Variants in HIF3A observed in about 807,000 individuals in gnomAD.
HIF3A encodes the protein hypoxia-inducible factor 3-alpha.
A neutral mutation model predicts 67.2 loss-of-function variants in HIF3A; 41 were observed. The ratio of observed to expected loss-of-function variants is 0.61; its 90% CI spans 0.48 to 0.79. The LOEUF (loss-of-function observed/expected upper bound fraction) is 0.79. Ranked by LOEUF, HIF3A falls within the 30% of genes least tolerant of loss-of-function variation. The probability of loss-of-function intolerance (pLI) is 0.00; values close to 1 mark genes in which losing one functional copy is unlikely to be tolerated. For synonymous variants in HIF3A, 356 were observed against 374.8 expected (o/e 0.95, Z 0.58); for missense variants, 855 against 898.0 (o/e 0.95, Z 0.61).
chr19:46,305,159 G>T, intron 2 of HIF3A, 86 bp from the exon 3 acceptor site: 1 of 1,588,704 alleles, frequency 6.3e-7, no homozygotes, highest in South Asian at 1.1e-5. Context: ...AATGAGGAAA[G>T]GCAGAGGGAG....
At chr19:46,323,457 T>G (rs1970534917) in intron 10 of HIF3A, among the ~76,000 whole-genome samples, 1 of 152,154 alleles carries the variant, frequency 6.6e-6, no homozygotes, top group Non-Finnish European at 1.5e-5. Flanking sequence ...TTCTGTTTCC[T>G]GAGGCCTAAC....
chr19:46,309,133 C>T lies in HIF3A; in HGVS notation c.562-18C>T. 6.2e-7 allele frequency: 1 copy of T among 1,605,544 alleles called. No individual in the cohort carries two copies. Among genetic ancestry groups the T allele is most frequent in the Non-Finnish European group, 8.5e-7 (1 of 1,174,020 alleles). On this transcript the variant is annotated intron_variant, in intron 5 of 14. Coordinates refer to ENST00000377670, the MANE Select transcript of HIF3A (RefSeq NM_152795.4). Reference sequence around the variant, plus strand: ...GCCCAGAGGCACCACTGCCTTGTCCCCTCATCTCGGCCCCCAGGTGCTGAA... The same window carrying T: ...GCCCAGAGGCACCACTGCCTTGTCCTCTCATCTCGGCCCCCAGGTGCTGAA...
At chr19:46,302,422 G>A (rs954006501) in intron 1 of HIF3A, among the ~76,000 whole-genome samples, 7 of 151,128 alleles carry the variant, frequency 4.6e-5, no homozygotes, top group African/African-American at 1.2e-4. Flanking sequence ...GAGCCACTGC[G>A]CCCGGCCTGT....
At chr19:46,325,326 A>G (rs1970700385) in intron 10 of HIF3A, among the ~76,000 whole-genome samples, 1 of 151,964 alleles carries the variant, frequency 6.6e-6, no homozygotes, top group African/African-American at 2.4e-5. Context: ...TGGAACTTCC[A>G]TGTTTGCCCC....
At chr19:46,327,270 G>A (rs925564124) in intron 11 of HIF3A, among the ~76,000 whole-genome samples, 2 of 151,522 alleles carry the variant, frequency 1.3e-5, no homozygotes, top group Non-Finnish European at 2.9e-5. Context: ...CACTGTGCCT[G>A]GCCCAAGGGT....
At chr19:46,335,039 G>A (rs1290827384) in intron 14 of HIF3A, 53 bp downstream of exon 14, 17 of 1,440,956 alleles carry the variant, frequency 1.2e-5, no homozygotes, top group Non-Finnish European at 1.5e-5. Flanking sequence ...CCCCCGGGAG[G>A]TGCGAGAGGG....
chr19:46,339,300 G>C (rs868401040), intron 14 of HIF3A, among the ~76,000 whole-genome samples: 1 of 152,086 alleles, frequency 6.6e-6, no homozygotes, highest in Non-Finnish European at 1.5e-5. Flanking sequence ...CAAGACTTGC[G>C]TCAAAAATAA....
rs749734769 is a variant in HIF3A at position 46,309,258 on chromosome 19, C to T, written c.669C>T (p.Cys223=). Residue 223 remains cysteine (C), a synonymous_variant, in exon 6 of 15, where the codon TGC becomes TGT. Transcript: ENST00000377670. ...EPPLQCLVLI[C]EAIPHPGSLE... is the part of the protein sequence containing the mutation. ...CGCTGCAGTGCCTGGTGCTCATCTG[C>T]GAAGCCATCCCCCACCCAGGCAGCC... The T allele has an allele frequency of 1.1e-5, 17 of 1,613,772 alleles. No homozygotes were observed. The highest frequency in any genetic ancestry group is 2.7e-5 in the African/African-American group (2 of 74,922).
intron 6 of HIF3A, chr19:46,310,422 A>G (rs1447042168): frequency 7.6e-6 from 2 of 263,524 alleles, no homozygotes; most frequent in Non-Finnish European, 1.5e-5. Flanking sequence ...TAAATAAAAT[A>G]AACTGTTATT....
In HIF3A at chr19:46,325,617, A is replaced by G. The variant is rs1319361360; in HGVS notation, c.1418A>G (p.Glu473Gly). ...TCCGGGAAAGACACTGAGGCAGTGG[A>G]GACAGATTTAGATATAGCTCAGGTA... ...FTSGKDTEAV[E>G]TDLDIAQDAD... The change falls in exon 11 of 15, where the codon GAG (glutamate) becomes GGG (glycine). Residue 473 changes from glutamate (E) to glycine (G), a missense_variant. This residue lies in a region of HIF3A where 638 missense variants were observed against 660.5 expected (regional missense o/e 0.97). Transcript: ENST00000377670. The G allele has an allele frequency of 6.2e-7, 1 of 1,612,286 alleles. No individual in the cohort carries two copies. Among genetic ancestry groups the G allele is most frequent in the Admixed American group, 1.7e-5 (1 of 59,964 alleles).
chr19:46,299,709 C>A (rs867756292), intron 1 of HIF3A, among the ~76,000 whole-genome samples: 349 of 111,522 alleles, frequency 3.1e-3, no homozygotes, highest in Non-Finnish European at 3.7e-3. Flanking sequence ...GACCTTGTCG[C>A]AAAAAAAAAA....
chr19:46,341,069 T>C lies in HIF3A; in HGVS notation c.*1447T>C, dbSNP rs1971917575. On this transcript the variant is annotated 3_prime_UTR_variant, in exon 15 of 15. Coordinates refer to ENST00000377670, the MANE Select transcript of HIF3A (RefSeq NM_152795.4). The stretch of plus-strand genomic sequence containing the variant: ...TTAGATCTCACACCCTCCAACGCCC[T>C]CCGGTTCCAGATCTTATATTCAGTG... The C allele has an allele frequency of 6.6e-6, 1 of 152,154 alleles. No homozygotes were observed. Among genetic ancestry groups the C allele is most frequent in the Admixed American group, 6.6e-5 (1 of 15,254 alleles). The allele number at this position is 152,154 out of a possible 1,614,324, so 9.4% of individuals were successfully genotyped here.
At chr19:46,298,890 C>G (rs545279821) in intron 1 of HIF3A, among the ~76,000 whole-genome samples, 1 of 95,892 alleles carries the variant, frequency 1.0e-5, no homozygotes, top group African/African-American at 3.2e-5. Context: ...CGTAAGACGC[C>G]CCCCCCCAAT....
intron 10 of HIF3A, among the ~76,000 whole-genome samples, chr19:46,324,985 T>TTGAGTGTGTGTG (rs1970667454): frequency 7.8e-6 from 1 of 127,916 alleles, no homozygotes; most frequent in Non-Finnish European, 1.6e-5. Flanking sequence ...CACACATATA[T>TTGAGTGTGTGTG]TGTGTGTGTG....
chr19:46,337,827 A>G (rs866292375), intron 14 of HIF3A, among the ~76,000 whole-genome samples: 5 of 152,216 alleles, frequency 3.3e-5, no homozygotes, highest in Admixed American at 2.0e-4. Flanking sequence ...CTCATGGTTT[A>G]TAACACTCCA....
chr19:46,314,911 A>G (rs1969794484), intron 8 of HIF3A, among the ~76,000 whole-genome samples: 1 of 144,418 alleles, frequency 6.9e-6, no homozygotes, highest in African/African-American at 2.5e-5. Context: ...CCCCTCCCAC[A>G]CTCCCATGTC....
chr19:46,298,188 C>T (rs1968007392), intron 1 of HIF3A: 2 of 310,112 alleles, frequency 6.4e-6, no homozygotes, highest in Non-Finnish European at 6.4e-6. Context: ...TGGATCCATG[C>T]ACACCCCATG....
Position 46,339,663 on chromosome 19 carries a change from G to T in HIF3A, c.*41G>T. On this transcript the variant is annotated 3_prime_UTR_variant, in exon 15 of 15. Transcript: ENST00000377670. ...CATCTGCCTTCTCCTCCCCCAGAAA[G>T]GACCTCAACCACACTCCACGCCGGC... 2.1e-6 allele frequency: 3 copies of T among 1,459,318 alleles called. No homozygotes were observed. The highest frequency in any genetic ancestry group is 2.8e-6 in the Non-Finnish European group (3 of 1,061,262). The allele number at this position is 1,459,318 out of a possible 1,614,324, so 90.4% of individuals were successfully genotyped here. A position where few individuals can be genotyped will look rare whatever the true frequency, so the allele number is the denominator to read the frequency against.
At chr19:46,303,769 C>G in intron 1 of HIF3A, 129 bp from the exon 2 acceptor site, 3 of 1,490,318 alleles carry the variant, frequency 2.0e-6, no homozygotes, top group South Asian at 2.4e-5. Flanking sequence ...GGCCACACAT[C>G]GAGGCCTGCG....
Sources: gnomAD v4.1 joint callset for allele counts (sites outside exome capture counted in the v4.1 genomes callset) on GRCh38, gnomAD v4.1.1 for gene constraint, gnomAD v4.1.1 regional missense constraint, MANE v1.5 for transcripts, NCBI Gene and HGNC (gene_info 2026-07-23, HGNC 2026-07-21) for gene names.